Variants in CCDC92 observed in about 807,000 individuals in gnomAD.
CCDC92 encodes the protein coiled-coil domain-containing protein 92.
A neutral mutation model predicts 24.9 loss-of-function variants in CCDC92; 12 were observed. The ratio of observed to expected loss-of-function variants is 0.48; its 90% CI spans 0.31 to 0.78. The LOEUF is 0.78. Among genes scored for constraint, CCDC92 ranks in the 30% least tolerant of loss-of-function variants. CCDC92 has a pLI of 0.05. For synonymous variants in CCDC92, 193 were observed against 196.3 expected (o/e 0.98, Z 0.14); for missense variants, 399 against 439.4 (o/e 0.91, Z 0.82).
chr12:123,953,437 A>G (rs1009825907), intron 1 of CCDC92, among the ~76,000 whole-genome samples: 1 of 152,194 alleles, frequency 6.6e-6, no homozygotes, highest in Non-Finnish European at 1.5e-5. Context: ...TTGTATGTAT[A>G]TTATCACATT....
intron 1 of CCDC92, among the ~76,000 whole-genome samples, chr12:123,959,320 T>G (rs565456224): frequency 6.6e-6 from 1 of 151,896 alleles, no homozygotes; most frequent in Non-Finnish European, 1.5e-5. Context: ...CTGCCAGGCT[T>G]GCTTTTTTTT....
intron 4 of CCDC92, among the ~76,000 whole-genome samples, chr12:123,939,581 GA>G (rs1212685091): frequency 6.6e-6 from 1 of 152,214 alleles, no homozygotes; most frequent in South Asian, 2.1e-4. Flanking sequence ...CCATGCAGTT[GA>G]AAAATTTTAA....
chr12:123,969,621 G>T (rs1275835751), intron 1 of CCDC92, among the ~76,000 whole-genome samples: 2 of 151,604 alleles, frequency 1.3e-5, no homozygotes, highest in African/African-American at 4.8e-5. Context: ...GCGCCACCAC[G>T]ACCAGCTAAT....
chr12:123,967,424 A>G (rs1036358755), intron 1 of CCDC92, among the ~76,000 whole-genome samples: 1 of 152,228 alleles, frequency 6.6e-6, no homozygotes. Context: ...AGATTTGGCT[A>G]TTTTTAAAAA....
Position 123,937,723 on chromosome 12 carries a change from G to C in CCDC92, c.331C>G (p.Gln111Glu). 6.2e-7 allele frequency: 1 copy of C among 1,614,090 alleles called. No homozygotes were observed. Among genetic ancestry groups the C allele is most frequent in the South Asian group, 1.1e-5 (1 of 91,086 alleles). ...AGCACTGTGATCATCGCGTTTTTCT[G>C]CTCCAGTTCTTTCAACAACTCAGCA... is the stretch of plus-strand genomic sequence containing the variant. The part of the protein sequence containing the change: ...ENAELLKELE[Q>E]KNAMITVLEN... Residue 111 changes from glutamine (Q) to glutamate (E), a missense_variant, in exon 5 of 5, where the codon CAG (glutamine) becomes GAG (glutamate). By Grantham distance (29) the Gln-to-Glu change is conservative. Transcript: ENST00000238156. This position sits in a 1 kb window ranked among gnomAD's most constrained non-coding sequence, Gnocchi z 8.4.
intron 4 of CCDC92, among the ~76,000 whole-genome samples, chr12:123,942,353 C>A (rs1251952787): frequency 6.6e-6 from 1 of 152,244 alleles, no homozygotes; most frequent in Admixed American, 6.5e-5. Context: ...TGCTAGGCGG[C>A]AGCGACACGG....
chr12:123,938,684 T>A (rs1955596975), intron 4 of CCDC92, among the ~76,000 whole-genome samples: 1 of 152,236 alleles, frequency 6.6e-6, no homozygotes, highest in Non-Finnish European at 1.5e-5. Context: ...TCTTCCTTGC[T>A]GGTCTGGAAT....
chr12:123,955,447 T>C (rs1956128329), intron 1 of CCDC92, among the ~76,000 whole-genome samples: 2 of 152,360 alleles, frequency 1.3e-5, no homozygotes, highest in East Asian at 1.9e-4. Flanking sequence ...TAGCGCTTGA[T>C]GACCACAATC....
At position 123,937,000 on chromosome 12, in the gene CCDC92, G is replaced by A; in HGVS notation, c.*58C>T. 6.3e-7 allele frequency: 1 copy of A among 1,587,294 alleles called. No individual in the cohort carries two copies. The highest frequency in any genetic ancestry group is 8.6e-7 in the Non-Finnish European group (1 of 1,162,194). Reference sequence around the variant, plus strand: ...GGGATTAAACAGAAAAGGTGTGGCTGAGATTTCCCAGTGGTGCTCACAGTG... The same window carrying A: ...GGGATTAAACAGAAAAGGTGTGGCTAAGATTTCCCAGTGGTGCTCACAGTG... On this transcript the variant is annotated 3_prime_UTR_variant, in exon 5 of 5. Transcript: ENST00000238156.
In CCDC92 at chr12:123,936,920, C is replaced by A; in HGVS notation, c.*138G>T. The A allele has an allele frequency of 1.1e-6, 1 of 919,112 alleles. No individual in the cohort carries two copies. Among genetic ancestry groups the A allele is most frequent in the Non-Finnish European group, 1.6e-6 (1 of 608,772 alleles). 56.9% of individuals were successfully genotyped at this position (919,112 alleles called of 1,614,324 possible). ...TCATATTTTGGTGTGAAGAAGAGGGCAAGAGAAGCAGAAGGAGAATGGGTC... is the reference window on the plus strand; with the variant it reads ...TCATATTTTGGTGTGAAGAAGAGGGAAAGAGAAGCAGAAGGAGAATGGGTC... On this transcript the variant is annotated 3_prime_UTR_variant, in exon 5 of 5. Transcript: ENST00000238156.
At chr12:123,943,214 T>C in intron 3 of CCDC92, 133 bp downstream of exon 3, 1 of 897,862 alleles carries the variant, frequency 1.1e-6, no homozygotes, top group Admixed American at 2.6e-5. Flanking sequence ...ATGAGGATGA[T>C]ATAAGGCATT....
At chr12:123,951,505 G>T (rs1043893090) in intron 1 of CCDC92, among the ~76,000 whole-genome samples, 1 of 152,232 alleles carries the variant, frequency 6.6e-6, no homozygotes, top group Non-Finnish European at 1.5e-5. Flanking sequence ...TCAGGTGGTA[G>T]CTGTGAATGA....
chr12:123,969,461 G>GTTTTTTT (rs60485501), intron 1 of CCDC92, among the ~76,000 whole-genome samples: 1 of 93,058 alleles, frequency 1.1e-5, no homozygotes, highest in African/African-American at 4.6e-5. Flanking sequence ...CTCTTATTCA[G>GTTTTTTT]TTTTTTTTTT....
chr12:123,938,354 C>T (rs1348720356), intron 4 of CCDC92, among the ~76,000 whole-genome samples: 1 of 152,184 alleles, frequency 6.6e-6, no homozygotes, highest in Non-Finnish European at 1.5e-5. Context: ...CTCTCACACA[C>T]ACACACACAC....
chr12:123,940,747 C>T (rs992193176), intron 4 of CCDC92, among the ~76,000 whole-genome samples: 1 of 152,204 alleles, frequency 6.6e-6, no homozygotes, highest in Non-Finnish European at 1.5e-5. Context: ...GGCACTGCAA[C>T]GCTTCTAAAC....
At position 123,935,728 on chromosome 12, in the gene CCDC92, G is replaced by A; in HGVS notation, c.*1330C>T. 1 of 392,382 alleles carries A rather than the reference G, an allele frequency of 2.5e-6. No homozygotes were observed. The highest frequency in any genetic ancestry group is 4.4e-6 in the Non-Finnish European group (1 of 225,128). The allele number at this position is 392,382 out of a possible 1,614,324, so 24.3% of individuals were successfully genotyped here. A position where few individuals can be genotyped will look rare whatever the true frequency, so the allele number is the denominator to read the frequency against. Reference sequence around the variant, plus strand: ...TATTGGAGAGTATTTTAAGATGTGTGGAGTTTTCTTTTCCTTCTCAGAGAA... The same window carrying A: ...TATTGGAGAGTATTTTAAGATGTGTAGAGTTTTCTTTTCCTTCTCAGAGAA... On this transcript the variant is annotated 3_prime_UTR_variant, in exon 5 of 5. Transcript: ENST00000238156.
At chr12:123,947,063 C>T (rs1955892407) in intron 1 of CCDC92, among the ~76,000 whole-genome samples, 1 of 152,212 alleles carries the variant, frequency 6.6e-6, no homozygotes, top group African/African-American at 2.4e-5. Context: ...CCGGCCCTGC[C>T]AGCCCTGCCG....
chr12:123,936,874 T>C lies in CCDC92; in HGVS notation c.*184A>G, dbSNP rs922060358. On this transcript the variant is annotated 3_prime_UTR_variant, in exon 5 of 5. Coordinates refer to ENST00000238156, the MANE Select transcript of CCDC92 (RefSeq NM_025140.3). ...TTGGCCACAGCAATTAGGAAATACATATTCTGCGGCAGGGACACGATCATA... is the reference window on the plus strand; with the variant it reads ...TTGGCCACAGCAATTAGGAAATACACATTCTGCGGCAGGGACACGATCATA... 1.5e-6 allele frequency: 1 copy of C among 674,334 alleles called. No homozygotes were observed. Among genetic ancestry groups the C allele is most frequent in the Admixed American group, 2.9e-5 (1 of 34,190 alleles). The allele number at this position is 674,334 out of a possible 1,614,324, so 41.8% of individuals were successfully genotyped here. A position where few individuals can be genotyped will look rare whatever the true frequency, so the allele number is the denominator to read the frequency against.
intron 1 of CCDC92, among the ~76,000 whole-genome samples, chr12:123,966,930 C>T (rs1956406060): frequency 6.6e-6 from 1 of 152,166 alleles, no homozygotes; most frequent in African/African-American, 2.4e-5. Flanking sequence ...TCTCCAAGGT[C>T]TCAAGTCTAG....
Sources: gnomAD v4.1 joint callset for allele counts (sites outside exome capture counted in the v4.1 genomes callset) on GRCh38, gnomAD v4.1.1 for gene constraint, Gnocchi (gnomAD v3.1) non-coding constraint, MANE v1.5 for transcripts, NCBI Gene and HGNC (gene_info 2026-07-23, HGNC 2026-07-21) for gene names.